The following KIF18A variants were observed in gnomAD, a reference collection of about 807,000 sequenced individuals.
KIF18A encodes the protein kinesin-like protein KIF18A.
A neutral mutation model predicts 103.3 loss-of-function variants in KIF18A; 67 were observed. The ratio of observed to expected loss-of-function variants is 0.65; its 90% confidence interval spans 0.53 to 0.79. The LOEUF (loss-of-function observed/expected upper bound fraction) is 0.79. Ranked by LOEUF, KIF18A falls within the 30% of genes least tolerant of loss-of-function variation. The pLI is 0.00. For missense variants in KIF18A, 1,032 were observed against 1,062.5 expected, an observed-to-expected ratio of 0.97 and a Z score of 0.40; for synonymous variants, 367 against 355.5, an observed-to-expected ratio of 1.03 and a Z score of -0.36.
intron 13 of KIF18A, among the ~76,000 whole-genome samples, 154 bp from the exon 14 acceptor site, chr11:28,036,818 G>C (rs548030337): frequency 6.6e-6 from 1 of 151,224 alleles, no homozygotes; most frequent in East Asian, 1.9e-4. Flanking sequence ...AAAATATCAC[G>C]GTTTACTGCT....
In KIF18A at chr11:28,084,767, A is replaced by G. The variant is rs201924783; in HGVS notation, c.939T>C (p.Thr313=). ...QHIPYRNSKL[T]RLLKDSLGGN... ...CTCCAAGAGAATCCTTTAACAAGCG[A>G]GTAAGCTTACTATTTCTGTAAGGGA... is the stretch of plus-strand genomic sequence containing the variant. The change falls in exon 7 of 17, where the codon ACT becomes ACC. Residue 313 remains threonine (T), a synonymous_variant. Transcript: ENST00000263181. The G allele has an allele frequency of 5.3e-5, 85 of 1,613,076 alleles. No homozygotes were observed. The highest frequency in any genetic ancestry group is 6.5e-5 in the Non-Finnish European group (77 of 1,179,304).
intron 12 of KIF18A, 44 bp downstream of exon 12, chr11:28,062,351 G>T: frequency 6.5e-7 from 1 of 1,532,260 alleles, no homozygotes; most frequent in Non-Finnish European, 8.8e-7. Flanking sequence ...CTGTGCTTCA[G>T]ATATAGTGTT....
intron 10 of KIF18A, among the ~76,000 whole-genome samples, chr11:28,075,688 G>T (rs374195603): frequency 6.6e-6 from 1 of 152,036 alleles, no homozygotes. Flanking sequence ...ATCTTGTCTA[G>T]AGTGAATTAT....
At chr11:28,101,056 C>T (rs771308459) in intron 1 of KIF18A, among the ~76,000 whole-genome samples, 35 of 152,128 alleles carry the variant, frequency 2.3e-4, no homozygotes, top group Admixed American at 7.2e-4. Context: ...CTTCTTCTTG[C>T]CAAAGAGACT....
At chr11:28,072,379 G>C (rs10767693) in intron 10 of KIF18A, among the ~76,000 whole-genome samples, 58,644 of 151,880 alleles carry the variant, frequency 0.39, 13,111 homozygotes, top group African/African-American at 0.62. Context: ...CCCTTTAATA[G>C]TAATTTCAAA....
In KIF18A at chr11:28,084,834, T is replaced by C. The variant is rs751704970; in HGVS notation, c.898-26A>G. Reference sequence around the variant, plus strand: ...CTGAAAGCACAAAAAAGAGATCTTATGTCATTTTCCACATTTAAATGCAAA... The same window carrying C: ...CTGAAAGCACAAAAAAGAGATCTTACGTCATTTTCCACATTTAAATGCAAA... On this transcript the variant is annotated intron_variant, in intron 6 of 16. Coordinates refer to ENST00000263181, the MANE Select transcript of KIF18A (RefSeq NM_031217.4). The C allele has an allele frequency of 1.6e-5, 25 of 1,582,798 alleles. No individual in the cohort carries two copies. In the Admixed American group the frequency reaches 3.2e-4, roughly 20 times the overall value.
intron 1 of KIF18A, among the ~76,000 whole-genome samples, chr11:28,103,452 G>C (rs1851469354): frequency 6.6e-6 from 1 of 151,994 alleles, no homozygotes; most frequent in East Asian, 1.9e-4. Context: ...GAATGAAGGG[G>C]CTAAGGAAAG....
At position 28,043,251 on chromosome 11, in the gene KIF18A, T is replaced by C. The variant is rs543294002; in HGVS notation, c.1949-6587A>G. 1.1e-3 allele frequency among the ~76,000 whole-genome samples: 166 copies of C among 152,098 alleles called. 1 individual carries two copies. Among genetic ancestry groups the C allele is most frequent in the Middle Eastern group, 3.4e-3 (1 of 294 alleles). ...TTGGCTATATCACACATGGATGAGA[T>C]ACTCTTGGGCAAAGGGGCAGATTTC... On this transcript the variant is annotated intron_variant, in intron 13 of 16. Transcript: ENST00000263181.
intron 9 of KIF18A, among the ~76,000 whole-genome samples, chr11:28,080,556 T>C (rs927798052): frequency 2.6e-5 from 4 of 152,106 alleles, no homozygotes; most frequent in African/African-American, 9.7e-5. Flanking sequence ...TGCTTTAGAG[T>C]GTCACAAATT....
chr11:28,099,838 A>G (rs573265955), intron 1 of KIF18A, among the ~76,000 whole-genome samples: 213 of 152,290 alleles, frequency 1.4e-3, no homozygotes, highest in African/African-American at 5.0e-3. Flanking sequence ...TGAGTAAGAC[A>G]AAGAACAACT....
chr11:28,092,476 C>G (rs370306323), intron 3 of KIF18A, among the ~76,000 whole-genome samples: 2 of 152,188 alleles, frequency 1.3e-5, no homozygotes, highest in Non-Finnish European at 2.9e-5. Flanking sequence ...GACAGCTTCA[C>G]TCTACTGCAT....
intron 9 of KIF18A, 142 bp from the exon 10 acceptor site, chr11:28,077,311 T>C (rs1851106781): frequency 3.8e-6 from 2 of 533,010 alleles, no homozygotes; most frequent in East Asian, 6.6e-5. Flanking sequence ...TAGGTAAAAA[T>C]GACTATTTCC....
At position 28,069,441 on chromosome 11, in the gene KIF18A, T is replaced by A. The variant is rs767815465; in HGVS notation, c.1426-18A>T. On this transcript the variant is annotated intron_variant, in intron 10 of 16. Transcript: ENST00000263181. ...CCAGTGGCCTGAAACACGATTCATT[T>A]AACAGTAAATCTAATTTTTATGATA... is the stretch of plus-strand genomic sequence containing the variant. 1.2e-6 allele frequency: 2 copies of A among 1,604,752 alleles called. No individual in the cohort carries two copies. Among genetic ancestry groups the A allele is most frequent in the South Asian group, 2.2e-5 (2 of 89,734 alleles).
chr11:28,037,406 A>G (rs1222767080), intron 13 of KIF18A, among the ~76,000 whole-genome samples: 1 of 151,632 alleles, frequency 6.6e-6, no homozygotes, highest in Non-Finnish European at 1.5e-5. Context: ...AATATACAAT[A>G]TAACAACCAC....
rs192372333 is a variant in KIF18A, at chr11:28,023,372, A to C, written c.2614+369T>G. On this transcript the variant is annotated intron_variant, in intron 16 of 16. Transcript: ENST00000263181. ...TTATTCAAAATATTACGCTAAGAGA[A>C]AAATTTAAAGTGGGTATAGTTTATC... is the stretch of plus-strand genomic sequence containing the variant. Among the ~76,000 whole-genome samples, 675 of 152,318 alleles carry C rather than the reference A, an allele frequency of 4.4e-3. 5 individuals carry two copies. The highest frequency in any genetic ancestry group is 0.014 in the African/African-American group (583 of 41,568).
intron 15 of KIF18A, among the ~76,000 whole-genome samples, chr11:28,024,764 G>C (rs976217357): frequency 4.6e-5 from 7 of 151,702 alleles, no homozygotes; most frequent in South Asian, 2.1e-4. Flanking sequence ...GGTAGGATTG[G>C]GGGGGGTTGG....
At chr11:28,059,193 T>C (rs762793142) in intron 12 of KIF18A, 32 bp from the exon 13 acceptor site, 370 of 1,261,578 alleles carry the variant, frequency 2.9e-4, no homozygotes, top group Non-Finnish European at 3.9e-4. Context: ...AAAGGAGAGA[T>C]AAATATGACA....
intron 16 of KIF18A, among the ~76,000 whole-genome samples, chr11:28,022,918 T>A (rs894910386): frequency 4.6e-5 from 7 of 152,334 alleles, no homozygotes; most frequent in Non-Finnish European, 8.8e-5. Context: ...ACAATAGCTT[T>A]CATGTTATCC....
At chr11:28,041,041 A>G (rs1196863472) in intron 13 of KIF18A, among the ~76,000 whole-genome samples, 1 of 151,756 alleles carries the variant, frequency 6.6e-6, no homozygotes, top group Admixed American at 6.6e-5. Context: ...GTAGTCAGCT[A>G]TGGTACAAAA....
Sources: allele counts gnomAD v4.1 joint callset (sites outside exome capture counted in the v4.1 genomes callset), GRCh38; gene constraint gnomAD v4.1.1; transcripts MANE v1.5; gene names NCBI Gene and HGNC (gene_info 2026-07-23, HGNC 2026-07-21).